The following DNAJC1 variants were observed in gnomAD, a reference collection of about 807,000 sequenced individuals.
DNAJC1 encodes the protein dnaJ homolog subfamily C member 1.
In DNAJC1, 58 loss-of-function variants were observed where a neutral mutation model predicts 76.6. The ratio of observed to expected loss-of-function variants is 0.76; its 90% CI spans 0.61 to 0.94. The LOEUF is 0.94. DNAJC1 is among the 40% of genes least tolerant of loss of function. DNAJC1 has a pLI of 0.00. For synonymous variants in DNAJC1, 258 were observed against 267.9 expected (o/e 0.96, Z 0.36); for missense variants, 689 against 677.3 (o/e 1.02, Z -0.19).
intron 9 of DNAJC1, among the ~76,000 whole-genome samples, chr10:21,779,052 G>A (rs946327315): frequency 3.3e-5 from 5 of 152,234 alleles, no homozygotes; most frequent in Non-Finnish European, 7.3e-5. Context: ...TGGGGGAGGG[G>A]CGCCTGCCAT....
At chr10:21,907,084 TC>T (rs1836758293) in intron 6 of DNAJC1, among the ~76,000 whole-genome samples, 1 of 152,136 alleles carries the variant, frequency 6.6e-6, no homozygotes, top group African/African-American at 2.4e-5. Flanking sequence ...TTGAACATTT[TC>T]CCTGTTAATG....
chr10:21,980,729 T>C (rs914430281), intron 1 of DNAJC1, among the ~76,000 whole-genome samples: 1 of 152,164 alleles, frequency 6.6e-6, no homozygotes, highest in Non-Finnish European at 1.5e-5. Flanking sequence ...ATATGAGAAC[T>C]GTATTATTTT....
intron 1 of DNAJC1, among the ~76,000 whole-genome samples, chr10:21,970,010 T>C (rs1481769642): frequency 2.6e-5 from 4 of 152,160 alleles, no homozygotes; most frequent in Non-Finnish European, 4.4e-5. Context: ...AACCTACATA[T>C]AGTTTGTAAG....
At chr10:21,797,890 T>C (rs1834766413) in intron 9 of DNAJC1, among the ~76,000 whole-genome samples, 1 of 152,178 alleles carries the variant, frequency 6.6e-6, no homozygotes. Context: ...AGGTAGTCTG[T>C]TACACCAGCA....
intron 8 of DNAJC1, among the ~76,000 whole-genome samples, chr10:21,837,127 G>C (rs965493401): frequency 2.6e-5 from 4 of 152,232 alleles, no homozygotes; most frequent in African/African-American, 4.8e-5. Context: ...TGGCCAGGCT[G>C]GTCTCCAGCT....
chr10:21,816,193 C>A (rs1264612831), intron 8 of DNAJC1, among the ~76,000 whole-genome samples: 1 of 150,740 alleles, frequency 6.6e-6, no homozygotes, highest in Non-Finnish European at 1.5e-5. Flanking sequence ...CATGGTGAAA[C>A]CCTGTCTCTA....
At chr10:21,801,805 C>T (rs1173125065) in intron 9 of DNAJC1, among the ~76,000 whole-genome samples, 3 of 152,102 alleles carry the variant, frequency 2.0e-5, no homozygotes, top group Admixed American at 2.0e-4. Flanking sequence ...TACTATGCAG[C>T]CACAAAAAAG....
intron 1 of DNAJC1, among the ~76,000 whole-genome samples, chr10:21,948,091 C>CTTT (rs781055896): frequency 7.4e-6 from 1 of 134,828 alleles, no homozygotes; most frequent in African/African-American, 2.7e-5. Flanking sequence ...TCCTTGCAGT[C>CTTT]TTTTTTTTTT....
At chr10:21,969,841 A>G (rs1264228437) in intron 1 of DNAJC1, among the ~76,000 whole-genome samples, 2 of 151,962 alleles carry the variant, frequency 1.3e-5, no homozygotes, top group Non-Finnish European at 2.9e-5. Flanking sequence ...CCCACCCCCA[A>G]CCCCATCTTC....
chr10:21,859,113 T>C (rs1198973833), intron 8 of DNAJC1, among the ~76,000 whole-genome samples: 1 of 152,216 alleles, frequency 6.6e-6, no homozygotes, highest in Non-Finnish European at 1.5e-5. Flanking sequence ...TATCAAGTGT[T>C]GTAGGCACTG....
intron 8 of DNAJC1, among the ~76,000 whole-genome samples, chr10:21,844,382 C>T (rs1237566101): frequency 6.6e-6 from 1 of 151,928 alleles, no homozygotes; most frequent in Non-Finnish European, 1.5e-5. Flanking sequence ...GTTGGGATTA[C>T]AGGCATGAGC....
At chr10:21,803,589 C>A (rs866924828) in intron 9 of DNAJC1, among the ~76,000 whole-genome samples, 1 of 140,654 alleles carries the variant, frequency 7.1e-6, no homozygotes, top group Non-Finnish European at 1.6e-5. Context: ...GAGTGATTTT[C>A]TGTGTGTGTG....
chr10:21,924,226 T>C (rs111399409), intron 3 of DNAJC1, among the ~76,000 whole-genome samples: 3,736 of 152,216 alleles, frequency 0.025, 138 homozygotes, highest in African/African-American at 0.084. Context: ...CTCAGACTAA[T>C]GGTTATTTTG....
In DNAJC1 at chr10:21,920,976, T is replaced by A. The variant is rs1299047344; in HGVS notation, c.372-13A>T. 1 of 1,527,196 alleles carries A rather than the reference T, an allele frequency of 6.5e-7. No individual in the cohort carries two copies. The allele number at this position is 1,527,196 out of a possible 1,614,324, so 94.6% of individuals were successfully genotyped here. ...AATATCATCATACCTACAGTACAAA[T>A]ATAACAGTTTTTCACGGGGAGTTTA... On this transcript the variant is annotated splice_polypyrimidine_tract_variant and intron_variant, in intron 3 of 11. Coordinates refer to ENST00000376980, the MANE Select transcript of DNAJC1 (RefSeq NM_022365.4).
At chr10:21,778,235 G>T (rs927134504) in intron 9 of DNAJC1, among the ~76,000 whole-genome samples, 6 of 152,114 alleles carry the variant, frequency 3.9e-5, no homozygotes, top group African/African-American at 1.2e-4. Flanking sequence ...TGAGAAAACT[G>T]ACTGAAGCTC....
chr10:21,914,670 T>C (rs1393852815), intron 6 of DNAJC1, among the ~76,000 whole-genome samples: 1 of 152,210 alleles, frequency 6.6e-6, no homozygotes, highest in African/African-American at 2.4e-5. Context: ...AGTAATGGGC[T>C]GCATGATACC....
At chr10:21,949,714 G>A (rs1837560673) in intron 1 of DNAJC1, among the ~76,000 whole-genome samples, 1 of 151,874 alleles carries the variant, frequency 6.6e-6, no homozygotes, top group African/African-American at 2.4e-5. Flanking sequence ...ACCGCACCCG[G>A]CCAATAAGCG....
At chr10:21,945,379 C>A (rs1837488154) in intron 1 of DNAJC1, among the ~76,000 whole-genome samples, 1 of 152,092 alleles carries the variant, frequency 6.6e-6, no homozygotes, top group East Asian at 1.9e-4. Context: ...CTGAGAGAGA[C>A]TTTCTTTTCT....
At chr10:21,816,767 G>C (rs571643994) in intron 8 of DNAJC1, among the ~76,000 whole-genome samples, 1 of 145,316 alleles carries the variant, frequency 6.9e-6, no homozygotes. Context: ...GGATGGTCTC[G>C]ATCTCCTGAC....
Sources: allele counts gnomAD v4.1 joint callset (sites outside exome capture counted in the v4.1 genomes callset), GRCh38; gene constraint gnomAD v4.1.1; transcripts MANE v1.5; gene names NCBI Gene and HGNC (gene_info 2026-07-23, HGNC 2026-07-21).